Variants in CEP85L observed in about 807,000 individuals in gnomAD.
CEP85L encodes the protein centrosomal protein 85L, also known as centrosomal protein of 85 kDa-like.
In CEP85L, 60 loss-of-function variants were observed where a neutral mutation model predicts 100.3. The ratio of observed to expected loss-of-function variants is 0.60; its 90% CI spans 0.49 to 0.74. The LOEUF is 0.74. CEP85L is among the 30% of genes least tolerant of loss of function. The probability of loss-of-function intolerance (pLI) is 0.00; values close to 1 mark genes in which losing one functional copy is unlikely to be tolerated. For synonymous variants in CEP85L, 319 were observed against 322.7 expected, an observed-to-expected ratio of 0.99 and a Z score of 0.12; for missense variants, 973 against 936.2, an observed-to-expected ratio of 1.04 and a Z score of -0.51.
intron 1 of CEP85L, among the ~76,000 whole-genome samples, chr6:118,680,271 GAAA>G (rs374032688): frequency 1.1e-4 from 12 of 109,756 alleles, no homozygotes; most frequent in East Asian, 3.1e-4. Flanking sequence ...CCAGCCTGGG[GAAA>G]AAAAAAAAAA....
chr6:118,542,409 A>C (rs553606806), intron 3 of CEP85L, among the ~76,000 whole-genome samples: 69 of 152,310 alleles, frequency 4.5e-4, no homozygotes, highest in African/African-American at 1.6e-3. Context: ...TGAATTAAGA[A>C]CTGGCTTCTT....
intron 1 of CEP85L, among the ~76,000 whole-genome samples, chr6:118,673,960 C>A (rs17080474): frequency 6.6e-6 from 1 of 152,168 alleles, no homozygotes; most frequent in South Asian, 2.1e-4. Context: ...GAGTTACCAA[C>A]AAGATTCAAA....
At chr6:118,622,136 T>C (rs1773487352) in intron 2 of CEP85L, among the ~76,000 whole-genome samples, 1 of 152,222 alleles carries the variant, frequency 6.6e-6, no homozygotes, top group Non-Finnish European at 1.5e-5. Context: ...TCACTGTTTA[T>C]GGGTGGTTGC....
chr6:118,629,328 A>G (rs551827791), intron 2 of CEP85L, among the ~76,000 whole-genome samples: 24 of 152,350 alleles, frequency 1.6e-4, no homozygotes, highest in African/African-American at 5.8e-4. Context: ...TCTAAACTCA[A>G]CAATAAGAAA....
intron 2 of CEP85L, among the ~76,000 whole-genome samples, chr6:118,591,109 GATATATACTGAAGGT>G (rs1348477352): frequency 1.3e-5 from 2 of 152,152 alleles, no homozygotes; most frequent in African/African-American, 2.4e-5. Flanking sequence ...ATGAATGAAT[GATATATACTGAAGGT>G]AAAACTGAGG....
intron 2 of CEP85L, among the ~76,000 whole-genome samples, chr6:118,619,941 CAGG>C (rs983235653): frequency 2.0e-5 from 3 of 152,172 alleles, no homozygotes; most frequent in African/African-American, 4.8e-5. Flanking sequence ...CACAGGGCAA[CAGG>C]AGGTCACCGC....
chr6:118,585,134 C>T (rs1406631422), intron 2 of CEP85L, among the ~76,000 whole-genome samples: 1 of 152,202 alleles, frequency 6.6e-6, no homozygotes, highest in African/African-American at 2.4e-5. Flanking sequence ...GAAAGTGTGT[C>T]ACTCCCTCCA....
At chr6:118,603,230 T>C (rs572678410) in intron 2 of CEP85L, among the ~76,000 whole-genome samples, 25 of 148 alleles carry the variant, frequency 0.17, no homozygotes, top group African/African-American at 0.33. Flanking sequence ...TTGGAGCTCC[T>C]GGACCTGATA....
chr6:118,524,556 T>C (rs1337359138), intron 3 of CEP85L, among the ~76,000 whole-genome samples: 1 of 152,240 alleles, frequency 6.6e-6, no homozygotes, highest in Non-Finnish European at 1.5e-5. Context: ...TAATACAATG[T>C]AGGAATGTGC....
At chr6:118,565,189 A>G (rs1253528121) in intron 3 of CEP85L, 2 of 235,138 alleles carry the variant, frequency 8.5e-6, no homozygotes, top group Non-Finnish European at 1.7e-5. Flanking sequence ...TGTATAGCCA[A>G]GTTGATGCTC....
chr6:118,600,108 G>A (rs1781650502), intron 2 of CEP85L, among the ~76,000 whole-genome samples: 1 of 151,880 alleles, frequency 6.6e-6, no homozygotes, highest in Non-Finnish European at 1.5e-5. Flanking sequence ...GAAGAGAAGT[G>A]GAAGTGGCAA....
At chr6:118,555,362 A>C (rs1778794812) in intron 3 of CEP85L, among the ~76,000 whole-genome samples, 2 of 147,926 alleles carry the variant, frequency 1.4e-5, no homozygotes, top group African/African-American at 5.0e-5. Flanking sequence ...CGGGAGGTGG[A>C]GCTTGCAGTG....
At chr6:118,688,080 C>T (rs73515228) in intron 1 of CEP85L, among the ~76,000 whole-genome samples, 2,675 of 152,220 alleles carry the variant, frequency 0.018, 56 homozygotes, top group African/African-American at 0.045. Flanking sequence ...ATCTTGGAAG[C>T]GGCCCGTCGC....
intron 3 of CEP85L, among the ~76,000 whole-genome samples, chr6:118,537,203 T>C (rs1204864301): frequency 6.6e-6 from 1 of 152,182 alleles, no homozygotes; most frequent in Non-Finnish European, 1.5e-5. Flanking sequence ...ATATAATTTA[T>C]AACTTATTAA....
At position 118,651,290 on chromosome 6, in the gene CEP85L, G is replaced by A. The variant is rs1397018768; in HGVS notation, c.-21C>T. On this transcript the variant is annotated 5_prime_UTR_variant, in exon 1 of 13. Transcript: ENST00000368491. ...CACATCGCGGGCGAGAGGGCCGGGTGGGCCAGGGACGCCCGACTCCTCACG... is the reference window on the plus strand; with the variant it reads ...CACATCGCGGGCGAGAGGGCCGGGTAGGCCAGGGACGCCCGACTCCTCACG... The A allele has an allele frequency of 1.3e-4, 193 of 1,471,938 alleles. No homozygotes were observed. The East Asian group carries it at 5.5e-3, about 42-fold the overall frequency. The allele number at this position is 1,471,938 out of a possible 1,614,324, so 91.2% of individuals were successfully genotyped here.
chr6:118,558,731 G>C (rs1356124499), intron 3 of CEP85L: 1 of 621,402 alleles, frequency 1.6e-6, no homozygotes, highest in East Asian at 2.8e-5. Flanking sequence ...TAACAATAGT[G>C]CTGAGGAAGA....
intron 3 of CEP85L, among the ~76,000 whole-genome samples, chr6:118,546,341 TA>T (rs1017381294): frequency 6.6e-6 from 1 of 152,162 alleles, no homozygotes; most frequent in African/African-American, 2.4e-5. Flanking sequence ...AGTAAACTTA[TA>T]AACATGTGGT....
upstream of CEP85L, chr6:118,651,749 T>G: frequency 1.0e-6 from 1 of 986,460 alleles, no homozygotes; most frequent in South Asian, 4.7e-5. Flanking sequence ...CCGCTTCGCC[T>G]CCTTGGCGGC....
intron 1 of CEP85L, among the ~76,000 whole-genome samples, chr6:118,633,288 G>A (rs539509426): frequency 1.0e-3 from 152 of 150,664 alleles, no homozygotes; most frequent in African/African-American, 3.5e-3. Flanking sequence ...CACTGTAAGC[G>A]CTGCCTCCCG....
Sources: gnomAD v4.1 joint callset for allele counts (sites outside exome capture counted in the v4.1 genomes callset) on GRCh38, gnomAD v4.1.1 for gene constraint, MANE v1.5 for transcripts, NCBI Gene and HGNC (gene_info 2026-07-23, HGNC 2026-07-21) for gene names.